The following CACHD1 variants were observed in gnomAD, a reference collection of about 807,000 sequenced individuals.
CACHD1 encodes the protein VWFA and cache domain-containing protein 1.
CACHD1 carries 71 observed loss-of-function variants against 138.7 expected under a neutral mutation model. That is an observed-to-expected ratio of 0.51 (90% CI 0.42 to 0.62). The LOEUF is 0.62. CACHD1 is among the 20% of genes least tolerant of loss of function. CACHD1 has a pLI of 0.00. For synonymous variants in CACHD1, 578 were observed against 591.5 expected, an observed-to-expected ratio of 0.98 and a Z score of 0.33; for missense variants, 1,389 against 1,625.3, an observed-to-expected ratio of 0.85 and a Z score of 2.50.
In CACHD1 at chr1:64,658,726, C is replaced by T. The variant is rs144426256; in HGVS notation, c.1804C>T (p.Leu602=). 1,623 of 1,610,832 alleles carry T rather than the reference C, an allele frequency of 1.0e-3. 2 individuals are homozygous for T. Among genetic ancestry groups the T allele is most frequent in the Non-Finnish European group, 1.2e-3 (1,469 of 1,178,398 alleles). Residue 602 remains leucine (L), a synonymous_variant, in exon 13 of 27, where the codon CTG becomes TTG. Transcript: ENST00000651257. ...ACAGGTACAAGACACTTCCTTTATT[C>T]TGTGTATTGTGGTGATACAACCAGA... ...WKMVQDTSFI[L]CIVVIQPEIP... is the part of the protein sequence containing the mutation.
chr1:64,689,949 G>A (rs769215895), intron 26 of CACHD1, among the ~76,000 whole-genome samples: 11 of 152,176 alleles, frequency 7.2e-5, no homozygotes, highest in Non-Finnish European at 1.6e-4. Context: ...TTTGTTTTGT[G>A]AGCATCTGTC....
intron 3 of CACHD1, among the ~76,000 whole-genome samples, chr1:64,591,667 C>T (rs549336092): frequency 6.6e-6 from 1 of 152,268 alleles, no homozygotes; most frequent in South Asian, 2.1e-4. Flanking sequence ...GGGAATTCCA[C>T]TTCTTAATCA....
At chr1:64,653,406 A>G (rs868566522) in intron 10 of CACHD1, among the ~76,000 whole-genome samples, 2,683 of 144,958 alleles carry the variant, frequency 0.019, 83 homozygotes, top group African/African-American at 0.065. Flanking sequence ...AAAAAAAAAA[A>G]AAGAAGAATG....
chr1:64,614,107 G>A (rs1457726696), intron 4 of CACHD1, among the ~76,000 whole-genome samples: 3 of 152,160 alleles, frequency 2.0e-5, no homozygotes, highest in African/African-American at 2.4e-5. Context: ...GACCTAATAC[G>A]AGTCATTGTC....
intron 25 of CACHD1, 39 bp from the exon 26 acceptor site, chr1:64,681,966 G>A (rs1337069227): frequency 2.6e-6 from 4 of 1,540,352 alleles, no homozygotes; most frequent in Non-Finnish European, 3.6e-6. Context: ...TGGAGATACT[G>A]GCATAAGAGT....
intron 2 of CACHD1, among the ~76,000 whole-genome samples, chr1:64,551,588 G>A (rs1164713637): frequency 2.6e-5 from 4 of 152,158 alleles, no homozygotes; most frequent in African/African-American, 4.8e-5. Flanking sequence ...AACTGCATAC[G>A]ATTTTGAACT....
In CACHD1 at chr1:64,470,602, A is replaced by G. The variant is rs1646137317; in HGVS notation, c.-143A>G. 2 of 324,542 alleles carry G rather than the reference A, an allele frequency of 6.2e-6. No homozygotes were observed. The highest frequency in any genetic ancestry group is 1.1e-5 in the Non-Finnish European group (2 of 178,816). The allele number at this position is 324,542 out of a possible 1,614,324, so 20.1% of individuals were successfully genotyped here. ...TAGCCGGGCGCCCCCTAAGTTTGGG[A>G]GCCTTCGCCACCGCGGCGCGGAGCA... On this transcript the variant is annotated 5_prime_UTR_variant, in exon 1 of 27. Coordinates refer to ENST00000651257, the MANE Select transcript of CACHD1 (RefSeq NM_020925.4). This position sits in a 1 kb window ranked among gnomAD's most constrained non-coding sequence, Gnocchi z 5.2.
Position 64,664,692 on chromosome 1 carries a change from G to T in CACHD1, c.2276+13G>T. 6.2e-7 allele frequency: 1 copy of T among 1,610,876 alleles called. No individual in the cohort carries two copies. The highest frequency in any genetic ancestry group is 1.3e-5 in the African/African-American group (1 of 74,900). ...CTAGGAGACAATGGTGAGTTTTAGGGGCTTCCGTTATCAAAGGTTCTCCCC... is the reference window on the plus strand; with the variant it reads ...CTAGGAGACAATGGTGAGTTTTAGGTGCTTCCGTTATCAAAGGTTCTCCCC... On this transcript the variant is annotated intron_variant, in intron 15 of 26. Coordinates refer to ENST00000651257, the MANE Select transcript of CACHD1 (RefSeq NM_020925.4).
chr1:64,663,705 C>T lies in CACHD1; in HGVS notation c.1962C>T (p.Thr654=). ...FKQLATLESP[T]IMLSAGSFSS... is the part of the protein sequence containing the mutation. ...TTGCTTCTCTTTCAGAAAGTCCCACCATCATGCTGTCTGCTGGCAGCTTTT... is the reference window on the plus strand; with the variant it reads ...TTGCTTCTCTTTCAGAAAGTCCCACTATCATGCTGTCTGCTGGCAGCTTTT... Residue 654 remains threonine (T), a synonymous_variant, in exon 14 of 27, where the codon ACC becomes ACT. Transcript: ENST00000651257. 1 of 1,614,164 alleles carries T rather than the reference C, an allele frequency of 6.2e-7. No homozygotes were observed. The highest frequency in any genetic ancestry group is 8.5e-7 in the Non-Finnish European group (1 of 1,180,028).
intron 3 of CACHD1, among the ~76,000 whole-genome samples, chr1:64,598,353 C>T (rs543263509): frequency 3.9e-5 from 6 of 152,142 alleles, no homozygotes; most frequent in Admixed American, 6.5e-5. Flanking sequence ...GAATGCTGCA[C>T]GGCTGAAATT....
chr1:64,497,750 T>C (rs1024380736), intron 1 of CACHD1, among the ~76,000 whole-genome samples: 6 of 152,160 alleles, frequency 3.9e-5, no homozygotes, highest in Non-Finnish European at 7.4e-5. Flanking sequence ...TCCCAAGCCC[T>C]TTGACAGGCA....
intron 2 of CACHD1, among the ~76,000 whole-genome samples, chr1:64,568,521 A>C (rs1275468817): frequency 6.6e-6 from 1 of 152,162 alleles, no homozygotes; most frequent in Non-Finnish European, 1.5e-5. Context: ...AAGCCACCTG[A>C]TAGCTCCCCA....
intron 1 of CACHD1, among the ~76,000 whole-genome samples, chr1:64,526,451 G>A (rs1409008680): frequency 6.6e-6 from 1 of 151,972 alleles, no homozygotes; most frequent in Non-Finnish European, 1.5e-5. Context: ...GAATAACAAC[G>A]TTATTCCCGG....
At chr1:64,683,612 C>A (rs1050376392) in intron 26 of CACHD1, among the ~76,000 whole-genome samples, 1 of 152,168 alleles carries the variant, frequency 6.6e-6, no homozygotes, top group African/African-American at 2.4e-5. Flanking sequence ...AGGAAGGGTG[C>A]AGTGTCAGTA....
At chr1:64,505,267 T>C (rs531014872) in intron 1 of CACHD1, among the ~76,000 whole-genome samples, 48 of 152,220 alleles carry the variant, frequency 3.2e-4, no homozygotes, top group African/African-American at 1.0e-3. Flanking sequence ...GTCAAGAGCC[T>C]CTGGGGAGCC....
chr1:64,523,761 A>C (rs1160019102), intron 1 of CACHD1, among the ~76,000 whole-genome samples: 1 of 152,220 alleles, frequency 6.6e-6, no homozygotes, highest in African/African-American at 2.4e-5. Context: ...TATAAAGCTG[A>C]TAACTAGAAA....
intron 1 of CACHD1, among the ~76,000 whole-genome samples, chr1:64,472,104 T>C (rs1557452990): frequency 6.6e-6 from 1 of 152,194 alleles, no homozygotes; most frequent in Non-Finnish European, 1.5e-5. Flanking sequence ...CTGATTTCCA[T>C]CCTACTGTGA....
At chr1:64,679,847 A>G (rs1650114053) in intron 24 of CACHD1, 91 bp downstream of exon 24, 1 of 1,395,090 alleles carries the variant, frequency 7.2e-7, no homozygotes, top group East Asian at 2.4e-5. Context: ...CTGTCAGAAC[A>G]GTGCTATACT....
intron 16 of CACHD1, among the ~76,000 whole-genome samples, chr1:64,666,740 A>C (rs1005168476): frequency 6.7e-6 from 1 of 148,480 alleles, no homozygotes; most frequent in Non-Finnish European, 1.5e-5. Flanking sequence ...ATCAGGCATG[A>C]TGGGGCACAC....
Sources: allele counts gnomAD v4.1 joint callset (sites outside exome capture counted in the v4.1 genomes callset), GRCh38; gene constraint gnomAD v4.1.1; non-coding constraint Gnocchi (gnomAD v3.1); transcripts MANE v1.5; gene names NCBI Gene and HGNC (gene_info 2026-07-23, HGNC 2026-07-21).